The following CREB3L2 variants were observed in gnomAD, a reference collection of about 807,000 sequenced individuals.
The protein encoded by CREB3L2 is cyclic AMP-responsive element-binding protein 3-like protein 2.
CREB3L2 carries 23 observed loss-of-function variants against 57.2 expected under a neutral mutation model. That is an observed-to-expected ratio of 0.40 (90% CI 0.29 to 0.57). The LOEUF (loss-of-function observed/expected upper bound fraction) is 0.57. CREB3L2 is among the 20% of genes least tolerant of loss of function. The probability of loss-of-function intolerance (pLI) is 0.42; values close to 1 mark genes in which losing one functional copy is unlikely to be tolerated. For missense variants in CREB3L2, 628 were observed against 634.7 expected, an observed-to-expected ratio of 0.99 and a Z score of 0.11; for synonymous variants, 268 against 265.1, an observed-to-expected ratio of 1.01 and a Z score of -0.11.
Position 137,880,466 on chromosome 7 carries a change from G to A in CREB3L2, c.*10C>T, listed in dbSNP as rs1799271613. The A allele has an allele frequency of 6.2e-7, 1 of 1,609,126 alleles. No individual in the cohort carries two copies. The highest frequency in any genetic ancestry group is 1.3e-5 in the African/African-American group (1 of 74,822). On this transcript the variant is annotated 3_prime_UTR_variant, in exon 12 of 12. Coordinates refer to ENST00000330387, the MANE Select transcript of CREB3L2 (RefSeq NM_194071.4). The surrounding 1 kb of genome is among the most constrained non-coding windows in gnomAD (Gnocchi z 4.0). The stretch of plus-strand genomic sequence containing the variant: ...AGTTAAGGGAAAGGGAGGGGGTGCA[G>A]GCAGCCTCTTTAGAAAGTGGTGTTC...
At chr7:137,958,601 G>GT (rs1172982577) in intron 1 of CREB3L2, among the ~76,000 whole-genome samples, 1 of 152,218 alleles carries the variant, frequency 6.6e-6, no homozygotes, top group Non-Finnish European at 1.5e-5. Context: ...TTAAAAAGCT[G>GT]TATTTGAGGA....
chr7:138,000,951 G>A (rs535312546), intron 1 of CREB3L2, among the ~76,000 whole-genome samples: 1 of 152,086 alleles, frequency 6.6e-6, no homozygotes, highest in African/African-American at 2.4e-5. Flanking sequence ...TCTTAAATAT[G>A]CAACTGTCTC....
chr7:137,990,290 T>A (rs1801869768), intron 1 of CREB3L2, among the ~76,000 whole-genome samples: 1 of 152,198 alleles, frequency 6.6e-6, no homozygotes, highest in African/African-American at 2.4e-5. Flanking sequence ...CTATGTATAC[T>A]TCAGCACCCA....
At chr7:137,897,665 G>A (rs2117193399) in intron 8 of CREB3L2, among the ~76,000 whole-genome samples, 1 of 152,226 alleles carries the variant, frequency 6.6e-6, no homozygotes, top group South Asian at 2.1e-4. Flanking sequence ...GCCTGATCAA[G>A]GTAGATTATT....
At chr7:137,970,791 C>T (rs892261764) in intron 1 of CREB3L2, among the ~76,000 whole-genome samples, 2 of 152,258 alleles carry the variant, frequency 1.3e-5, no homozygotes, top group East Asian at 3.9e-4. Flanking sequence ...GGCCAGCAAC[C>T]GTTAAACACA....
chr7:137,876,314 T>C lies in CREB3L2; in HGVS notation c.*4162A>G, dbSNP rs1465539396. 1.3e-5 allele frequency: 3 copies of C among 230,948 alleles called. No individual in the cohort carries two copies. The highest frequency in any genetic ancestry group is 2.5e-5 in the Non-Finnish European group (3 of 117,840). 14.3% of individuals were successfully genotyped at this position (230,948 alleles called of 1,614,324 possible). A position where few individuals can be genotyped will look rare whatever the true frequency, so the allele number is the denominator to read the frequency against. On this transcript the variant is annotated 3_prime_UTR_variant, in exon 12 of 12. Transcript: ENST00000330387. ...CACATTTAAGGCACAAATGAGCATG[T>C]AAGGGAGGAATGTGCACGTGTGTGT...
At chr7:137,907,972 TA>T (rs1799926049) in intron 5 of CREB3L2, among the ~76,000 whole-genome samples, 2 of 152,244 alleles carry the variant, frequency 1.3e-5, no homozygotes. Flanking sequence ...CCCAAATTTT[TA>T]TTCCTCATGT....
intron 2 of CREB3L2, among the ~76,000 whole-genome samples, chr7:137,921,619 G>GA (rs533884939): frequency 1.5e-4 from 23 of 149,462 alleles, no homozygotes; most frequent in Admixed American, 4.0e-4. Context: ...TGCTAAGAAA[G>GA]AAAAAAAAAC....
At chr7:137,922,956 T>C (rs1343969806) in intron 2 of CREB3L2, among the ~76,000 whole-genome samples, 1 of 152,106 alleles carries the variant, frequency 6.6e-6, no homozygotes, top group Admixed American at 6.6e-5. Flanking sequence ...GGGCAAGAAT[T>C]CAGTTAAATG....
intron 1 of CREB3L2, among the ~76,000 whole-genome samples, chr7:138,000,685 C>A (rs1013331168): frequency 6.6e-6 from 1 of 152,014 alleles, no homozygotes; most frequent in African/African-American, 2.4e-5. Context: ...TCCCCCCTCA[C>A]CCCAGCCCCA....
intron 1 of CREB3L2, among the ~76,000 whole-genome samples, chr7:137,933,400 T>G (rs763266534): frequency 2.0e-5 from 3 of 152,160 alleles, no homozygotes; most frequent in Non-Finnish European, 4.4e-5. Context: ...TTGCCCAGGT[T>G]GGCGCACTCT....
chr7:137,965,019 C>T (rs1801386659), intron 1 of CREB3L2, among the ~76,000 whole-genome samples: 1 of 152,080 alleles, frequency 6.6e-6, no homozygotes, highest in Non-Finnish European at 1.5e-5. Flanking sequence ...TATAAATTAC[C>T]CAGACTCAGG....
chr7:137,946,890 ATATATATAGTTATATATATAGT>A (rs1563262316), intron 1 of CREB3L2, among the ~76,000 whole-genome samples: 3,734 of 44,030 alleles, frequency 0.085, 853 homozygotes, highest in Admixed American at 0.2. Flanking sequence ...CTATATAGTT[ATATATATAGTTATATATATAGT>A]TATATATATA....
chr7:137,980,079 T>C lies in CREB3L2; in HGVS notation c.102+21525A>G, dbSNP rs1029425732. ...GGATCATCTGGGGATCTTCAGATTA[T>C]AATTCAGAAAGTCTAGAGTAGGGCC... On this transcript the variant is annotated intron_variant, in intron 1 of 11. Coordinates refer to ENST00000330387, the MANE Select transcript of CREB3L2 (RefSeq NM_194071.4). This position sits in a 1 kb window ranked among gnomAD's most constrained non-coding sequence, Gnocchi z 4.3. 3.9e-5 allele frequency among the ~76,000 whole-genome samples: 6 copies of C among 152,354 alleles called. No individual in the cohort carries two copies. Among genetic ancestry groups the C allele is most frequent in the Admixed American group, 3.3e-4 (5 of 15,304 alleles).
rs551628024 is a variant in CREB3L2, at chr7:137,878,148, C to T, written c.*2328G>A. On this transcript the variant is annotated 3_prime_UTR_variant, in exon 12 of 12. Transcript: ENST00000330387. ...TCGAGAGAGAGTGACGTCAAGCAAG[C>T]GTAGTAAGGGAGAAAATAAAATCCT... 2.7e-4 allele frequency: 62 copies of T among 230,500 alleles called. No homozygotes were observed. In the East Asian group the frequency reaches 3.2e-3, roughly 12 times the overall value. 14.3% of individuals were successfully genotyped at this position (230,500 alleles called of 1,614,324 possible).
chr7:137,889,439 A>G (rs1799491241), intron 8 of CREB3L2, among the ~76,000 whole-genome samples: 3 of 152,254 alleles, frequency 2.0e-5, no homozygotes, highest in Admixed American at 2.0e-4. Context: ...AGATGACTAT[A>G]TTCTGAATCC....
intron 8 of CREB3L2, among the ~76,000 whole-genome samples, chr7:137,897,254 C>T (rs1306980632): frequency 6.6e-6 from 1 of 152,166 alleles, no homozygotes; most frequent in Non-Finnish European, 1.5e-5. Flanking sequence ...ATGCTGACAA[C>T]AAAACACATA....
intron 1 of CREB3L2, among the ~76,000 whole-genome samples, chr7:137,946,785 T>TATATA (rs1800987706): frequency 1.7e-5 from 1 of 59,130 alleles, no homozygotes; most frequent in Non-Finnish European, 2.8e-5. Context: ...TATATAGTTA[T>TATATA]CTATATAGTT....
chr7:137,895,733 G>GACACCCC (rs1799617124), intron 8 of CREB3L2, among the ~76,000 whole-genome samples: 1 of 151,934 alleles, frequency 6.6e-6, no homozygotes, highest in South Asian at 2.1e-4. Flanking sequence ...CCCCTGTGGG[G>GACACCCC]TATTGTATAG....
Sources: gnomAD v4.1 joint callset for allele counts (sites outside exome capture counted in the v4.1 genomes callset) on GRCh38, gnomAD v4.1.1 for gene constraint, Gnocchi (gnomAD v3.1) non-coding constraint, MANE v1.5 for transcripts, NCBI Gene and HGNC (gene_info 2026-07-23, HGNC 2026-07-21) for gene names.